The following RAB27A variants were observed in gnomAD, a reference collection of about 807,000 sequenced individuals.
RAB27A encodes the protein ras-related protein Rab-27A.
In RAB27A, 17 loss-of-function variants were observed where a neutral mutation model predicts 20.8. The observed-to-expected ratio is 0.82, with a 90% CI of 0.56 to 1.23. The LOEUF is 1.23. RAB27A is among the 50% of genes most tolerant of loss of function. The pLI is 0.00. For missense variants in RAB27A, 277 were observed against 266.7 expected, an observed-to-expected ratio of 1.04 and a Z score of -0.27; for synonymous variants, 85 against 92.8, an observed-to-expected ratio of 0.92 and a Z score of 0.48.
At chr15:55,304,508 A>T (rs1595756187) in intron 2 of RAB27A, among the ~76,000 whole-genome samples, 1 of 152,044 alleles carries the variant, frequency 6.6e-6, no homozygotes, top group Non-Finnish European at 1.5e-5. Context: ...CTCCACTAGT[A>T]ATCATTCTCC....
chr15:55,308,780 T>G (rs1431817327), intron 2 of RAB27A, among the ~76,000 whole-genome samples: 1 of 152,234 alleles, frequency 6.6e-6, no homozygotes, highest in East Asian at 1.9e-4. Context: ...CAAGTCTCCT[T>G]TAGCAGTCAG....
chr15:55,214,700 C>T (rs1386367853), intron 6 of RAB27A, among the ~76,000 whole-genome samples: 1 of 152,180 alleles, frequency 6.6e-6, no homozygotes, highest in Non-Finnish European at 1.5e-5. Context: ...TATCACCTTG[C>T]ACACAAAATG....
At chr15:55,301,567 G>A (rs2054972170) in intron 2 of RAB27A, among the ~76,000 whole-genome samples, 1 of 151,510 alleles carries the variant, frequency 6.6e-6, no homozygotes, top group South Asian at 2.1e-4. Context: ...GTATGATTTG[G>A]TGGTTTTTAA....
chr15:55,282,883 C>T (rs1898052490), intron 1 of RAB27A, among the ~76,000 whole-genome samples: 1 of 151,936 alleles, frequency 6.6e-6, no homozygotes, highest in African/African-American at 2.4e-5. Flanking sequence ...GTCTCAACTG[C>T]AACTGCCCAT....
chr15:55,271,107 C>T (rs1352170336), intron 1 of RAB27A, among the ~76,000 whole-genome samples: 1 of 152,176 alleles, frequency 6.6e-6, no homozygotes, highest in East Asian at 1.9e-4. Context: ...GTATTCTTGA[C>T]TCTGATCCAT....
intron 2 of RAB27A, among the ~76,000 whole-genome samples, chr15:55,295,381 C>T (rs2054944722): frequency 6.6e-6 from 1 of 152,114 alleles, no homozygotes; most frequent in African/African-American, 2.4e-5. Context: ...AGCATCCAAA[C>T]AAATATTTAA....
Position 55,224,195 on chromosome 15 carries a change from A to C in RAB27A, c.344-183T>G, listed in dbSNP as rs2289059. On this transcript the variant is annotated intron_variant, in intron 5 of 6. Transcript: ENST00000336787. ...CTGAATAGTTGGGGCAGAAATATAA[A>C]ACCATTCTTAAGCACATACCCCAGT... is the stretch of plus-strand genomic sequence containing the variant. Among the ~76,000 whole-genome samples the C allele has an allele frequency of 3.3e-3, 498 of 152,306 alleles. 2 individuals carry two copies. The highest frequency in any genetic ancestry group is 4.5e-3 in the Non-Finnish European group (308 of 68,020).
intron 6 of RAB27A, among the ~76,000 whole-genome samples, chr15:55,210,879 A>G (rs1894994147): frequency 6.6e-6 from 1 of 152,102 alleles, no homozygotes; most frequent in South Asian, 2.1e-4. Context: ...GTTTTCTTCT[A>G]GTAGTTTCAT....
intron 1 of RAB27A, 175 bp from the exon 2 acceptor site, chr15:55,270,459 T>C (rs943974830): frequency 1.1e-4 from 17 of 152,156 alleles, no homozygotes; most frequent in Non-Finnish European, 1.2e-4. Context: ...TGCAGACCAG[T>C]CAAGTGATTT....
intron 2 of RAB27A, among the ~76,000 whole-genome samples, chr15:55,268,302 T>C (rs1387340876): frequency 6.6e-6 from 1 of 152,188 alleles, no homozygotes; most frequent in Non-Finnish European, 1.5e-5. Context: ...AACAGTATTG[T>C]TTGGTCACCA....
intron 1 of RAB27A, among the ~76,000 whole-genome samples, chr15:55,284,798 T>A (rs1287573377): frequency 6.6e-6 from 1 of 152,212 alleles, no homozygotes; most frequent in Admixed American, 6.5e-5. Flanking sequence ...CTATGTGACT[T>A]TGACAAAGTG....
chr15:55,318,153 A>G (rs755584410), intron 1 of RAB27A, among the ~76,000 whole-genome samples: 10 of 144,680 alleles, frequency 6.9e-5, no homozygotes, highest in Non-Finnish European at 1.2e-4. Context: ...GCTGGAGTGC[A>G]ATGGCGCAAT....
intron 2 of RAB27A, among the ~76,000 whole-genome samples, chr15:55,236,181 A>T (rs1478574250): frequency 6.6e-6 from 1 of 151,822 alleles, no homozygotes; most frequent in African/African-American, 2.4e-5. Flanking sequence ...AAAAGAAAGA[A>T]AGAAAGTCTC....
At chr15:55,258,772 C>T (rs1197919494) in intron 2 of RAB27A, among the ~76,000 whole-genome samples, 2 of 152,124 alleles carry the variant, frequency 1.3e-5, no homozygotes, top group East Asian at 3.8e-4. Flanking sequence ...GTTTCTTGGC[C>T]ATCTAGTTTC....
chr15:55,243,374 G>T (rs905809346), intron 2 of RAB27A, among the ~76,000 whole-genome samples: 1 of 151,924 alleles, frequency 6.6e-6, no homozygotes, highest in Non-Finnish European at 1.5e-5. Flanking sequence ...ATTATTTTAG[G>T]CCAGGTGCAG....
At chr15:55,238,817 A>G (rs1298254795) in intron 2 of RAB27A, among the ~76,000 whole-genome samples, 1 of 140,012 alleles carries the variant, frequency 7.1e-6, no homozygotes. Context: ...TAATACAGAT[A>G]TGTTTACTTC....
At chr15:55,252,270 G>A (rs1430920637) in intron 2 of RAB27A, among the ~76,000 whole-genome samples, 1 of 152,124 alleles carries the variant, frequency 6.6e-6, no homozygotes, top group African/African-American at 2.4e-5. Context: ...CACTATTCAG[G>A]TGATGGGTGC....
chr15:55,312,090 G>C (rs965720049), intron 2 of RAB27A, among the ~76,000 whole-genome samples: 3 of 152,232 alleles, frequency 2.0e-5, no homozygotes, highest in Admixed American at 1.3e-4. Flanking sequence ...AGCTCGATTA[G>C]GACGAACCCA....
chr15:55,269,593 A>G (rs1897635739), intron 2 of RAB27A, among the ~76,000 whole-genome samples: 1 of 152,082 alleles, frequency 6.6e-6, no homozygotes, highest in Non-Finnish European at 1.5e-5. Flanking sequence ...CTAAAAATAC[A>G]AAAATTAGCC....
Sources: gnomAD v4.1 joint callset for allele counts (sites outside exome capture counted in the v4.1 genomes callset) on GRCh38, gnomAD v4.1.1 for gene constraint, MANE v1.5 for transcripts, NCBI Gene and HGNC (gene_info 2026-07-23, HGNC 2026-07-21) for gene names.